The following HDAC9 variants were observed in gnomAD, a reference collection of about 807,000 sequenced individuals.
HDAC9 encodes histone deacetylase 9, also known as MEF-2 interacting transcription repressor (MITR) protein.
HDAC9 carries 41 observed loss-of-function variants against 139.4 expected under a neutral mutation model. That is an observed-to-expected ratio of 0.29 (90% confidence interval 0.23 to 0.38). The LOEUF is 0.38. HDAC9 is among the 10% of genes least tolerant of loss of function. The probability of loss-of-function intolerance (pLI) is 1.00; values close to 1 mark genes in which losing one functional copy is unlikely to be tolerated. For missense variants in HDAC9, 1,147 were observed against 1,297.0 expected (o/e 0.88, Z 1.78); for synonymous variants, 517 against 476.2 (o/e 1.09, Z -1.12).
intron 25 of HDAC9, among the ~76,000 whole-genome samples, chr7:18,981,657 ATCTC>A (rs964609497): frequency 1.3e-5 from 2 of 152,098 alleles, no homozygotes; most frequent in African/African-American, 4.8e-5. Flanking sequence ...CAGTCATCAT[ATCTC>A]TCTCTGCCTT....
chr7:18,149,173 A>G (rs1340522124), intron 1 of HDAC9, among the ~76,000 whole-genome samples: 1 of 152,228 alleles, frequency 6.6e-6, no homozygotes. Context: ...CCATATAATT[A>G]TTAGCTGCTG....
chr7:18,872,173 G>T (rs1418494161), intron 21 of HDAC9, among the ~76,000 whole-genome samples: 1 of 151,944 alleles, frequency 6.6e-6, no homozygotes, highest in East Asian at 1.9e-4. Flanking sequence ...TAACTGAAAG[G>T]ATTCTATCAG....
rs930214290 is a variant in HDAC9, at chr7:18,732,652, T to C, written c.1909+4895T>C. 5.9e-4 allele frequency among the ~76,000 whole-genome samples: 45 copies of C among 76,706 alleles called. 4 individuals carry two copies. Among genetic ancestry groups the C allele is most frequent in the East Asian group, 3.2e-3 (4 of 1,256 alleles). 50.3% of individuals were successfully genotyped at this position (76,706 alleles called of 152,430 possible). ...GTGTATATGTGTGCATATGTGTATA[T>C]ATACACACACACGTGTATATGTGTG... On this transcript the variant is annotated intron_variant, in intron 13 of 25. Coordinates refer to ENST00000686413, the MANE Select transcript of HDAC9 (RefSeq NM_178425.4).
intron 1 of HDAC9, among the ~76,000 whole-genome samples, chr7:18,337,647 A>G (rs1028313642): frequency 1.3e-5 from 2 of 151,376 alleles, no homozygotes; most frequent in East Asian, 3.9e-4. Flanking sequence ...CAGCGTGTGT[A>G]TGTGCTGAAC....
intron 8 of HDAC9, among the ~76,000 whole-genome samples, chr7:18,637,223 G>C (rs1222870568): frequency 6.6e-6 from 1 of 152,020 alleles, no homozygotes; most frequent in African/African-American, 2.4e-5. Flanking sequence ...TTTCAGGGGG[G>C]AAGAAGGGGG....
chr7:18,174,904 T>A (rs1202135626), intron 2 of HDAC9, among the ~76,000 whole-genome samples: 1 of 152,194 alleles, frequency 6.6e-6, no homozygotes, highest in Non-Finnish European at 1.5e-5. Context: ...TTAGGCTACA[T>A]GGCGGCCAGG....
chr7:18,742,446 A>G (rs941325481), intron 13 of HDAC9, among the ~76,000 whole-genome samples: 1 of 152,224 alleles, frequency 6.6e-6, no homozygotes, highest in African/African-American at 2.4e-5. Context: ...TTTCTTTGAC[A>G]CAATGATTCC....
intron 1 of HDAC9, 80 bp from the exon 2 acceptor site, chr7:18,496,182 G>GA: frequency 6.6e-7 from 1 of 1,514,388 alleles, no homozygotes; most frequent in Non-Finnish European, 9.1e-7. Flanking sequence ...GAGCAGTGAT[G>GA]AATGTTTCAT....
At chr7:18,992,062 A>T (rs1786022897) in intron 25 of HDAC9, among the ~76,000 whole-genome samples, 2 of 152,258 alleles carry the variant, frequency 1.3e-5, no homozygotes, top group Non-Finnish European at 2.9e-5. Flanking sequence ...TGCTTTGGGA[A>T]GATAAACTAT....
intron 2 of HDAC9, chr7:18,543,061 A>G (rs1289079651): frequency 1.3e-5 from 2 of 152,172 alleles, no homozygotes; most frequent in Middle Eastern, 3.2e-3. Context: ...TTTCAAGATA[A>G]TAATAGAAAT....
intron 21 of HDAC9, among the ~76,000 whole-genome samples, chr7:18,871,231 T>G (rs1436798666): frequency 6.6e-6 from 1 of 152,172 alleles, no homozygotes; most frequent in East Asian, 1.9e-4. Context: ...TGCTTTCATA[T>G]TGGTTCACAT....
chr7:18,706,179 T>C (rs1783897679), intron 12 of HDAC9, among the ~76,000 whole-genome samples: 1 of 147,466 alleles, frequency 6.8e-6, no homozygotes, highest in East Asian at 2.0e-4. Context: ...TTTTTTTTTT[T>C]TTTTTGCTTT....
chr7:18,669,557 T>G (rs1390442201), intron 12 of HDAC9, among the ~76,000 whole-genome samples: 1 of 151,844 alleles, frequency 6.6e-6, no homozygotes, highest in African/African-American at 2.4e-5. Context: ...GTGCCATAAA[T>G]TTGAGAATAC....
At chr7:18,172,384 T>A (rs1475195993) in intron 2 of HDAC9, among the ~76,000 whole-genome samples, 2 of 152,174 alleles carry the variant, frequency 1.3e-5, no homozygotes, top group African/African-American at 2.4e-5. Flanking sequence ...ATTTTGTTGA[T>A]CTTTTCAAAA....
intron 1 of HDAC9, among the ~76,000 whole-genome samples, chr7:18,358,991 A>T (rs1289264962): frequency 1.3e-5 from 2 of 152,336 alleles, no homozygotes; most frequent in South Asian, 2.1e-4. Flanking sequence ...TCGTAGGACT[A>T]ATATTTCAAC....
intron 1 of HDAC9, among the ~76,000 whole-genome samples, chr7:18,463,057 C>A (rs1793981794): frequency 6.6e-6 from 1 of 151,922 alleles, no homozygotes; most frequent in South Asian, 2.1e-4. Flanking sequence ...AGCTATGCCA[C>A]TGGGTATATA....
chr7:18,385,596 CA>C (rs1354353474), intron 1 of HDAC9, among the ~76,000 whole-genome samples: 2 of 152,050 alleles, frequency 1.3e-5, no homozygotes, highest in Non-Finnish European at 2.9e-5. Context: ...TCAGATATAA[CA>C]ATTTTCAAAT....
intron 13 of HDAC9, among the ~76,000 whole-genome samples, chr7:18,733,236 CATGTGTAT>C (rs1179219356): frequency 6.8e-6 from 1 of 146,656 alleles, no homozygotes; most frequent in Non-Finnish European, 1.5e-5. Context: ...CACATATATA[CATGTGTAT>C]ATATGTATAT....
chr7:18,564,465 T>A (rs1390742868), intron 2 of HDAC9, among the ~76,000 whole-genome samples: 1 of 152,208 alleles, frequency 6.6e-6, no homozygotes, highest in Non-Finnish European at 1.5e-5. Flanking sequence ...TATTTTACAG[T>A]TTGGTTTTAT....
Sources: allele counts gnomAD v4.1 joint callset (sites outside exome capture counted in the v4.1 genomes callset), GRCh38; gene constraint gnomAD v4.1.1; transcripts MANE v1.5; gene names NCBI Gene and HGNC (gene_info 2026-07-23, HGNC 2026-07-21).